Variants in TNKS1BP1 observed in about 807,000 individuals in gnomAD.
TNKS1BP1 encodes 182 kDa tankyrase-1-binding protein.
In TNKS1BP1, 48 loss-of-function variants were observed where a neutral mutation model predicts 141.1. The observed-to-expected ratio is 0.34, with a 90% CI of 0.27 to 0.43. The LOEUF is 0.43. Ranked by LOEUF, TNKS1BP1 falls within the 20% of genes least tolerant of loss-of-function variation. The pLI is 1.00. For missense variants in TNKS1BP1, 2,149 were observed against 2,226.0 expected, an observed-to-expected ratio of 0.97 and a Z score of 0.70; for synonymous variants, 875 against 898.2, an observed-to-expected ratio of 0.97 and a Z score of 0.46.
At position 57,315,643 on chromosome 11, in the gene TNKS1BP1, T is replaced by G. The variant is rs1052813155; in HGVS notation, c.799-1754A>C. On this transcript the variant is annotated intron_variant, in intron 4 of 11. Coordinates refer to ENST00000358252, the MANE Select transcript of TNKS1BP1 (RefSeq NM_033396.3). ...CTCTCCCAGGCAATGTTTTAGCATC[T>G]TCTCCCGTCAGACCTCCACACCTCC... Among the ~76,000 whole-genome samples, 19 of 151,666 alleles carry G rather than the reference T, an allele frequency of 1.3e-4. 1 individual carries two copies. The highest frequency in any genetic ancestry group is 4.4e-4 in the African/African-American group (18 of 41,252).
chr11:57,315,622 C>T (rs1398765536), intron 4 of TNKS1BP1, among the ~76,000 whole-genome samples: 5 of 152,012 alleles, frequency 3.3e-5, no homozygotes, highest in East Asian at 1.9e-4. Flanking sequence ...CCATGACTCT[C>T]CCAGGCAATG....
At chr11:57,307,717 C>A (rs997062176) in intron 6 of TNKS1BP1, among the ~76,000 whole-genome samples, 1 of 152,244 alleles carries the variant, frequency 6.6e-6, no homozygotes, top group Non-Finnish European at 1.5e-5. Flanking sequence ...GCCTTTTTAG[C>A]ACGTTTCTCA....
At chr11:57,322,246 A>C in intron 1 of TNKS1BP1, 1 of 1,075,298 alleles carries the variant, frequency 9.3e-7, no homozygotes, top group Non-Finnish European at 1.1e-6. Flanking sequence ...CAGTCCCCAC[A>C]GTGCCCCTTG....
At chr11:57,303,048 G>A in intron 6 of TNKS1BP1, 1 of 473,056 alleles carries the variant, frequency 2.1e-6, no homozygotes. Flanking sequence ...CCTCGGGTGA[G>A]CCCCCTCCCC....
chr11:57,311,211 C>A, intron 5 of TNKS1BP1: 1 of 979,158 alleles, frequency 1.0e-6, no homozygotes, highest in Non-Finnish European at 1.2e-6. Context: ...TTGCACCCCA[C>A]CCCCCACCTC....
rs143868455 is a variant in TNKS1BP1, at chr11:57,309,775, G to A, written c.2936C>T (p.Thr979Met). The change falls in exon 6 of 12, where the codon ACG (threonine) becomes ATG (methionine). Residue 979 changes from threonine (T) to methionine (M), a missense_variant. By Grantham distance (81) the Thr-to-Met change is moderately conservative. Coordinates refer to ENST00000358252, the MANE Select transcript of TNKS1BP1 (RefSeq NM_033396.3). The surrounding 1 kb of genome is among the most constrained non-coding windows in gnomAD (Gnocchi z 4.3). Reference sequence around the variant, plus strand: ...GCTGAACCCAGAGCTCAGGGGTCTCGTTCCAAAGCTTCTGTCCTGGGCGTC... The same window carrying A: ...GCTGAACCCAGAGCTCAGGGGTCTCATTCCAAAGCTTCTGTCCTGGGCGTC... ...TLDAQDRSFG[T>M]RPLSSGFSPE... 69 of 1,614,054 alleles carry A rather than the reference G, an allele frequency of 4.3e-5. No homozygotes were observed. Among genetic ancestry groups the A allele is most frequent in the South Asian group, 4.0e-4 (36 of 91,082 alleles).
chr11:57,310,146 G>GT lies in TNKS1BP1; in HGVS notation c.2564dup (p.Tyr855Ter). 6.2e-7 allele frequency: 1 copy of GT among 1,614,202 alleles called. No individual in the cohort carries two copies. The highest frequency in any genetic ancestry group is 8.5e-7 in the Non-Finnish European group (1 of 1,180,050). Residue 855 changes from tyrosine (Y) to a stop codon, truncating the protein, a stop_gained and frameshift_variant, in exon 6 of 12, where the codon TAC (tyrosine) becomes TAAC (stop). Transcript: ENST00000358252. LOFTEE classifies it high-confidence loss of function. Reference sequence around the variant, plus strand: ...CCTGGAGTTCTGCATCCCGGCTGGAGTAAGTGCCCTGGGAATCCCTCTTTC... The same window carrying GT: ...CCTGGAGTTCTGCATCCCGGCTGGAGTTAAGTGCCCTGGGAATCCCTCTTTC... ...EFRKRDSQGT[Y>*]SSRDAELQDQ...
At position 57,313,650 on chromosome 11, in the gene TNKS1BP1, C is replaced by T. The variant is rs1479657002; in HGVS notation, c.1038G>A (p.Glu346=). 13 of 1,558,732 alleles carry T rather than the reference C, an allele frequency of 8.3e-6. 1 individual carries two copies. The highest frequency in any genetic ancestry group is 1.1e-5 in the Non-Finnish European group (13 of 1,151,572). ...CCGGGCTGGGGGTGTGGCGGGAGCC[C>T]TCGTCAGGCAGGGCTGCACTTGGAG... ...PSAPSAALPD[E]GSRHTPSPGL... The change falls in exon 5 of 12, where the codon GAG becomes GAA. Residue 346 remains glutamate, a synonymous_variant. Transcript: ENST00000358252.
In TNKS1BP1 at chr11:57,320,553, G is replaced by A. The variant is rs897355221; in HGVS notation, c.254C>T (p.Ala85Val). ...GCTGCCACCATAGGGCTGGGGTCCT[G>A]CCAGCATGTTCATCTTCCTGGCAGA... The part of the protein sequence containing the change: ...LPSARKMNML[A>V]GPQPYGGSKR... The change falls in exon 3 of 12, where the codon GCA (alanine) becomes GTA (valine). Residue 85 changes from alanine (A) to valine (V), a missense_variant. Coordinates refer to ENST00000358252, the MANE Select transcript of TNKS1BP1 (RefSeq NM_033396.3). The A allele has an allele frequency of 1.2e-6, 2 of 1,613,964 alleles. No homozygotes were observed. The highest frequency in any genetic ancestry group is 2.7e-5 in the African/African-American group (2 of 74,934).
rs1855526740 is a variant in TNKS1BP1 at position 57,301,712 on chromosome 11, G to A, written c.4971+95C>T. 3 of 1,495,484 alleles carry A rather than the reference G, an allele frequency of 2.0e-6. No individual in the cohort carries two copies. In the Admixed American group the frequency reaches 5.6e-5, roughly 28 times the overall value. The allele number at this position is 1,495,484 out of a possible 1,614,324, so 92.6% of individuals were successfully genotyped here. A position where few individuals can be genotyped will look rare whatever the true frequency, so the allele number is the denominator to read the frequency against. On this transcript the variant is annotated intron_variant, in intron 9 of 11. Transcript: ENST00000358252. The stretch of plus-strand genomic sequence containing the variant: ...GAGGAGGAATGGGAGAGGGGGACAG[G>A]GGAATGAATTGATGGATGAAGAGAA...
intron 6 of TNKS1BP1, among the ~76,000 whole-genome samples, chr11:57,306,046 G>A (rs1383437026): frequency 6.6e-6 from 1 of 151,916 alleles, no homozygotes; most frequent in African/African-American, 2.4e-5. Flanking sequence ...GGCCGAGGTG[G>A]GTGGATCACC....
At position 57,313,164 on chromosome 11, in the gene TNKS1BP1, C is replaced by T; in HGVS notation, c.1524G>A (p.Glu508=). The change falls in exon 5 of 12, where the codon GAG becomes GAA. Residue 508 remains glutamate, a synonymous_variant. Coordinates refer to ENST00000358252, the MANE Select transcript of TNKS1BP1 (RefSeq NM_033396.3). ...SPITEASEAA[E]AAEAGNLAVS... is the part of the protein sequence containing the mutation. ...CGGCCAAGTTGCCAGCCTCAGCAGC[C>T]TCGGCGGCCTCACTGGCTTCAGTGA... is the stretch of plus-strand genomic sequence containing the variant. 6.2e-7 allele frequency: 1 copy of T among 1,612,990 alleles called. No homozygotes were observed. Among genetic ancestry groups the T allele is most frequent in the African/African-American group, 1.3e-5 (1 of 75,066 alleles).
rs1687621151 is a variant in TNKS1BP1 at position 57,302,778 on chromosome 11, A to T, written c.4364T>A (p.Leu1455Gln). 1.3e-6 allele frequency: 2 copies of T among 1,558,878 alleles called. No homozygotes were observed. The highest frequency in any genetic ancestry group is 1.8e-5 in the Admixed American group (1 of 55,076). Residue 1455 changes from leucine to glutamine, a missense_variant, in exon 7 of 12, where the codon CTG (leucine) becomes CAG (glutamine). Coordinates refer to ENST00000358252, the MANE Select transcript of TNKS1BP1 (RefSeq NM_033396.3). This position sits in a 1 kb window ranked among gnomAD's most constrained non-coding sequence, Gnocchi z 5.5. ...ARPPPSGSQG[L>Q]LEEMLAASSS... ...GCTGGCTGCCAGCATCTCCTCCAGCAGGCCCTGGGAGCCGGAGGGTGGGGG... is the reference window on the plus strand; with the variant it reads ...GCTGGCTGCCAGCATCTCCTCCAGCTGGCCCTGGGAGCCGGAGGGTGGGGG...
rs1855668628 is a variant in TNKS1BP1 at position 57,309,466 on chromosome 11, C to T, written c.3245G>A (p.Gly1082Glu). 6.2e-7 allele frequency: 1 copy of T among 1,614,078 alleles called. No homozygotes were observed. ...AAACTCACCGACCCAGCCTCGCTTT[C>T]CCATCTCCCCATCTTCCAGGTCAGC... ...GSADLEDGEM[G>E]KRGWVGEFSL... The change falls in exon 6 of 12, where the codon GGA becomes GAA. Residue 1082 changes from glycine (G) to glutamate (E), a missense_variant. By Grantham distance (98) the Gly-to-Glu change is moderately conservative. Coordinates refer to ENST00000358252, the MANE Select transcript of TNKS1BP1 (RefSeq NM_033396.3). The surrounding 1 kb of genome is among the most constrained non-coding windows in gnomAD (Gnocchi z 4.3).
intron 1 of TNKS1BP1, chr11:57,322,152 T>C: frequency 9.2e-7 from 1 of 1,085,444 alleles, no homozygotes; most frequent in Non-Finnish European, 1.2e-6. Flanking sequence ...CCCCAACTCT[T>C]ATCTCCTAAC....
In TNKS1BP1 at chr11:57,309,541, A is replaced by G; in HGVS notation, c.3170T>C (p.Val1057Ala). Residue 1057 changes from valine to alanine, a missense_variant, in exon 6 of 12, where the codon GTG becomes GCG. Transcript: ENST00000358252. The surrounding 1 kb of genome is among the most constrained non-coding windows in gnomAD (Gnocchi z 4.3). ...SWQNSDASQE[V>A]GGHQERQQAG... ...CTGCTGTCTCTCCTGATGCCCTCCC[A>G]CCTCCTGGCTAGCATCACTGTTTTG... 6.2e-7 allele frequency: 1 copy of G among 1,612,078 alleles called. No individual in the cohort carries two copies.
Position 57,324,951 on chromosome 11 carries a change from G to C in TNKS1BP1, c.-177C>G. 1.0e-6 allele frequency: 1 copy of C among 989,584 alleles called. No homozygotes were observed. Among genetic ancestry groups the C allele is most frequent in the Non-Finnish European group, 1.2e-6 (1 of 833,290 alleles). The allele number at this position is 989,584 out of a possible 1,614,324, so 61.3% of individuals were successfully genotyped here. On this transcript the variant is annotated 5_prime_UTR_variant, in exon 1 of 12. Coordinates refer to ENST00000358252, the MANE Select transcript of TNKS1BP1 (RefSeq NM_033396.3). The stretch of plus-strand genomic sequence containing the variant: ...GCCGTCACCGCGGGACGAAGCCACT[G>C]CGAGCCCCGGCGGGGCCCCGCCCCA...
At chr11:57,311,176 A>C (rs760372239) in intron 5 of TNKS1BP1, 1 of 951,150 alleles carries the variant, frequency 1.1e-6, no homozygotes, top group Non-Finnish European at 1.3e-6. Context: ...CCTCTGGCAC[A>C]GGGGAAAATC....
chr11:57,301,921 T>C lies in TNKS1BP1; in HGVS notation c.4857A>G (p.Pro1619=), dbSNP rs199827584. The change falls in exon 9 of 12, where the codon CCA becomes CCG. Residue 1619 remains proline (P), a synonymous_variant. Transcript: ENST00000358252. The part of the protein sequence containing the change: ...DSTEPRASRV[P]SSDEEVVEEP... Reference sequence around the variant, plus strand: ...CCTCCACTACCTCTTCATCTGAAGATGGCACCCGAGATGCCCGTGGCTCTG... The same window carrying C: ...CCTCCACTACCTCTTCATCTGAAGACGGCACCCGAGATGCCCGTGGCTCTG... 15 of 1,613,780 alleles carry C rather than the reference T, an allele frequency of 9.3e-6. No homozygotes were observed. The Admixed American group carries it at 1.5e-4, about 16-fold the overall frequency.
Sources: allele counts gnomAD v4.1 joint callset (sites outside exome capture counted in the v4.1 genomes callset), GRCh38; gene constraint gnomAD v4.1.1; non-coding constraint Gnocchi (gnomAD v3.1); transcripts MANE v1.5; gene names NCBI Gene and HGNC (gene_info 2026-07-23, HGNC 2026-07-21).